The following CEP128 variants were observed in gnomAD, a reference collection of about 807,000 sequenced individuals.
CEP128 encodes centrosomal protein 128kDa.
Under a neutral mutation model 156.7 loss-of-function variants are expected in CEP128, and 132 were observed. The ratio of observed to expected loss-of-function variants is 0.84; its 90% CI spans 0.73 to 0.97. CEP128 has a LOEUF of 0.97. Among genes scored for constraint, CEP128 ranks in the 50% least tolerant of loss-of-function variants. CEP128 has a pLI of 0.00. For synonymous variants in CEP128, 469 were observed against 448.9 expected, an observed-to-expected ratio of 1.04 and a Z score of -0.57; for missense variants, 1,252 against 1,281.9, an observed-to-expected ratio of 0.98 and a Z score of 0.36.
At chr14:80,555,942 T>C (rs1383995445) in intron 21 of CEP128, among the ~76,000 whole-genome samples, 2 of 152,194 alleles carry the variant, frequency 1.3e-5, no homozygotes, top group Non-Finnish European at 2.9e-5. Context: ...TTTAAATGAA[T>C]GTGTCTTCTT....
intron 19 of CEP128, among the ~76,000 whole-genome samples, chr14:80,594,410 G>A (rs1290692178): frequency 6.6e-6 from 1 of 152,124 alleles, no homozygotes; most frequent in Non-Finnish European, 1.5e-5. Flanking sequence ...ACATAGGCAT[G>A]GGCAAAGACT....
chr14:80,527,164 C>G, intron 22 of CEP128, 182 bp from the exon 23 acceptor site: 1 of 560,892 alleles, frequency 1.8e-6, no homozygotes, highest in South Asian at 2.0e-5. Context: ...CACAGTGGCT[C>G]AAACCTGTAA....
At chr14:80,620,103 T>A (rs1893416403) in intron 19 of CEP128, among the ~76,000 whole-genome samples, 3 of 151,946 alleles carry the variant, frequency 2.0e-5, no homozygotes, top group South Asian at 4.2e-4. Flanking sequence ...CCAGCCTGGA[T>A]GACAAGAGCA....
chr14:80,940,841 T>G (rs1235515419), intron 1 of CEP128, among the ~76,000 whole-genome samples: 1 of 152,234 alleles, frequency 6.6e-6, no homozygotes, highest in East Asian at 1.9e-4. Context: ...ACACTGTATT[T>G]GTATTAGACA....
intron 19 of CEP128, among the ~76,000 whole-genome samples, chr14:80,710,631 C>A (rs879939589): frequency 1.3e-5 from 2 of 152,044 alleles, no homozygotes; most frequent in Non-Finnish European, 2.9e-5. Context: ...ATTTAAAGTT[C>A]TCCTAAAACA....
At position 80,822,500 on chromosome 14, in the gene CEP128, C is replaced by T. The variant is rs1885243106; in HGVS notation, c.1209+8643G>A. 33 of 622,002 alleles carry T rather than the reference C, an allele frequency of 5.3e-5. 2 individuals carry two copies. Among genetic ancestry groups the T allele is most frequent in the South Asian group, 4.5e-4 (32 of 71,080 alleles). The allele number at this position is 622,002 out of a possible 1,614,324, so 38.5% of individuals were successfully genotyped here. ...CCCGTGCACCACTGCATCCCGCGTC[C>T]ACCACCTACATCCTGCCGCCACCAT... On this transcript the variant is annotated intron_variant, in intron 13 of 24. Transcript: ENST00000555265.
At chr14:80,634,722 T>C (rs1566824705) in intron 19 of CEP128, among the ~76,000 whole-genome samples, 1 of 152,200 alleles carries the variant, frequency 6.6e-6, no homozygotes. Flanking sequence ...TCTCCTACAA[T>C]TGTCACTCAC....
At chr14:80,740,535 T>C (rs327458) in intron 19 of CEP128, among the ~76,000 whole-genome samples, 8,779 of 143,670 alleles carry the variant, frequency 0.061, 309 homozygotes, top group South Asian at 0.078. Context: ...GATAGATAGA[T>C]AGATAGATAG....
At chr14:80,556,812 C>A (rs1890457425) in intron 21 of CEP128, among the ~76,000 whole-genome samples, 1 of 152,126 alleles carries the variant, frequency 6.6e-6, no homozygotes, top group African/African-American at 2.4e-5. Context: ...AAGTTTTAAG[C>A]ACTGACTTGG....
In CEP128 at chr14:80,602,728, C is replaced by T. The variant is rs112504677; in HGVS notation, c.2807-22305G>A. Among the ~76,000 whole-genome samples, 177 of 152,044 alleles carry T rather than the reference C, an allele frequency of 1.2e-3. 1 individual carries two copies. Among genetic ancestry groups the T allele is most frequent in the African/African-American group, 4.2e-3 (174 of 41,474 alleles). ...CAGAGGTTGCAGTGAGCCGAGATCG[C>T]GCCACTGCATTCCAGCCTGGGTGAC... On this transcript the variant is annotated intron_variant, in intron 19 of 24. Coordinates refer to ENST00000555265, the MANE Select transcript of CEP128 (RefSeq NM_152446.5).
chr14:80,641,169 T>C (rs1595135617), intron 19 of CEP128, among the ~76,000 whole-genome samples: 1 of 152,160 alleles, frequency 6.6e-6, no homozygotes, highest in African/African-American at 2.4e-5. Context: ...AGTAACACAA[T>C]CTAAACCATT....
At chr14:80,486,662 G>T (rs1385466246), downstream of CEP128, among the ~76,000 whole-genome samples, 2 of 152,232 alleles carry the variant, frequency 1.3e-5, no homozygotes, top group African/African-American at 4.8e-5. Flanking sequence ...CAGACTAACA[G>T]CGGATCTCTC....
At chr14:80,569,407 C>A (rs1368193824) in intron 20 of CEP128, among the ~76,000 whole-genome samples, 1 of 152,150 alleles carries the variant, frequency 6.6e-6, no homozygotes, top group East Asian at 1.9e-4. Flanking sequence ...ATTCCAAAGT[C>A]TATGAAATGA....
At chr14:80,719,075 A>G (rs1294505275) in intron 19 of CEP128, among the ~76,000 whole-genome samples, 2 of 152,164 alleles carry the variant, frequency 1.3e-5, no homozygotes, top group Non-Finnish European at 2.9e-5. Flanking sequence ...AGTGATTCCT[A>G]GGTGCCCTCA....
At chr14:80,740,511 TAGATA>T (rs1566888052) in intron 19 of CEP128, among the ~76,000 whole-genome samples, 7 of 109,704 alleles carry the variant, frequency 6.4e-5, no homozygotes, top group African/African-American at 2.4e-4. Context: ...GATAGATAGA[TAGATA>T]GATAGATAGA....
At chr14:80,579,983 T>C (rs910923061) in intron 20 of CEP128, among the ~76,000 whole-genome samples, 5 of 152,228 alleles carry the variant, frequency 3.3e-5, no homozygotes, top group African/African-American at 1.2e-4. Context: ...AATTGGTTGG[T>C]CATTAGTAGA....
rs1010782714 is a variant in CEP128 at position 80,777,781 on chromosome 14, G to T, written c.2376+101C>A. The T allele has an allele frequency of 7.5e-6, 7 of 929,914 alleles. No individual in the cohort carries two copies. In the Admixed American group the frequency reaches 1.4e-4, roughly 18 times the overall value. The allele number at this position is 929,914 out of a possible 1,614,324, so 57.6% of individuals were successfully genotyped here. On this transcript the variant is annotated intron_variant, in intron 16 of 24. Coordinates refer to ENST00000555265, the MANE Select transcript of CEP128 (RefSeq NM_152446.5). ...TGGGGGGCACCAATACAACTTCCCT[G>T]TGAAGGACTACAATTATCATTTGTT... is the stretch of plus-strand genomic sequence containing the variant.
chr14:80,696,655 C>T (rs1246695176), intron 19 of CEP128, among the ~76,000 whole-genome samples: 2 of 152,052 alleles, frequency 1.3e-5, no homozygotes, highest in African/African-American at 2.4e-5. Flanking sequence ...TGAAAAGTGA[C>T]CTTTGTATTT....
chr14:80,907,363 G>A (rs928141155), intron 4 of CEP128, among the ~76,000 whole-genome samples: 9 of 152,108 alleles, frequency 5.9e-5, no homozygotes, highest in African/African-American at 1.9e-4. Context: ...GTATTCGCCA[G>A]CCAGCTATAA....
Sources: allele counts gnomAD v4.1 joint callset (sites outside exome capture counted in the v4.1 genomes callset), GRCh38; gene constraint gnomAD v4.1.1; transcripts MANE v1.5; gene names NCBI Gene and HGNC (gene_info 2026-07-23, HGNC 2026-07-21).